The following VANGL1 variants were observed in gnomAD, a reference collection of about 807,000 sequenced individuals.
VANGL1 encodes the protein VANGL planar cell polarity protein 1, also known as vang-like protein 1.
VANGL1 carries 18 observed loss-of-function variants against 48.4 expected under a neutral mutation model. That is an observed-to-expected ratio of 0.37 (90% CI 0.26 to 0.55). The LOEUF is 0.55. Ranked by LOEUF, VANGL1 falls within the 20% of genes least tolerant of loss-of-function variation. The pLI is 0.81. For missense variants in VANGL1, 667 were observed against 675.8 expected, an observed-to-expected ratio of 0.99 and a Z score of 0.14; for synonymous variants, 257 against 261.8, an observed-to-expected ratio of 0.98 and a Z score of 0.18.
chr1:115,676,999 G>T (rs1252683553), intron 4 of VANGL1, among the ~76,000 whole-genome samples: 1 of 152,234 alleles, frequency 6.6e-6, no homozygotes, highest in Non-Finnish European at 1.5e-5. Flanking sequence ...GAGTGAGAGA[G>T]CCTGGAGTCA....
At chr1:115,649,633 G>T (rs1652072790) in intron 1 of VANGL1, among the ~76,000 whole-genome samples, 1 of 152,206 alleles carries the variant, frequency 6.6e-6, no homozygotes, top group Non-Finnish European at 1.5e-5. Flanking sequence ...AGCTCATTTG[G>T]TCTTCACGGC....
intron 1 of VANGL1, among the ~76,000 whole-genome samples, chr1:115,645,794 A>C (rs1214573645): frequency 6.6e-6 from 1 of 152,250 alleles, no homozygotes; most frequent in Non-Finnish European, 1.5e-5. Context: ...AGAATAATAT[A>C]CACAGCATAT....
At chr1:115,682,913 G>A (rs1653445047) in intron 5 of VANGL1, among the ~76,000 whole-genome samples, 2 of 152,196 alleles carry the variant, frequency 1.3e-5, no homozygotes, top group Admixed American at 6.5e-5. Context: ...TCTTACTCGT[G>A]GCTAGGAGCC....
chr1:115,664,806 T>G (rs1652711591), intron 4 of VANGL1, among the ~76,000 whole-genome samples: 1 of 152,214 alleles, frequency 6.6e-6, no homozygotes, highest in South Asian at 2.1e-4. Flanking sequence ...TTGAGTGTTG[T>G]GAAAATGTAT....
At chr1:115,667,911 T>C (rs1570755244) in intron 4 of VANGL1, among the ~76,000 whole-genome samples, 1 of 152,270 alleles carries the variant, frequency 6.6e-6, no homozygotes, top group East Asian at 1.9e-4. Context: ...CTAGTGTAAT[T>C]GACTGGTTGA....
At position 115,651,484 on chromosome 1, in the gene VANGL1, G is replaced by A; in HGVS notation, c.71G>A (p.Gly24Glu). ...CATTCGAAAAAATCTCACAGACAAG[G>A]GTATGTAAGTTGTTCATTATTACAC... Reference protein sequence around the residue: ...SSHSKKSHRQGERTRERHKSP... With the variant: ...SSHSKKSHRQEERTRERHKSP... Residue 24 changes from glycine (G) to glutamate (E), a missense_variant and splice_region_variant, in exon 2 of 8, where the codon GGG (glycine) becomes GAG (glutamate). Gly to Glu is a moderately conservative substitution (Grantham distance 98, BLOSUM62 -2). Coordinates refer to ENST00000355485, the MANE Select transcript of VANGL1 (RefSeq NM_138959.3). 1.2e-6 allele frequency: 2 copies of A among 1,613,400 alleles called. No homozygotes were observed. Among genetic ancestry groups the A allele is most frequent in the Non-Finnish European group, 1.7e-6 (2 of 1,179,472 alleles).
chr1:115,651,075 C>T (rs1476012777), intron 1 of VANGL1, among the ~76,000 whole-genome samples: 3 of 152,064 alleles, frequency 2.0e-5, no homozygotes, highest in Non-Finnish European at 4.4e-5. Context: ...GCTTGCTCAG[C>T]GCCTATCCTG....
Position 115,663,711 on chromosome 1 carries a change from C to T in VANGL1, c.255C>T (p.His85=), listed in dbSNP as rs1198916846. 33 of 1,614,200 alleles carry T rather than the reference C, an allele frequency of 2.0e-5. No homozygotes were observed. Among genetic ancestry groups the T allele is most frequent in the Non-Finnish European group, 2.7e-5 (32 of 1,180,040 alleles). The part of the protein sequence containing the change: ...TTTAITGTSE[H]SISQEDIARI... ...CGGCCATCACAGGCACCTCGGAGCA[C>T]AGCATATCCCAAGAGGACATTGCCA... is the stretch of plus-strand genomic sequence containing the variant. Residue 85 remains histidine, a synonymous_variant, in exon 4 of 8, where the codon CAC becomes CAT. Transcript: ENST00000355485.
Position 115,685,425 on chromosome 1 carries a change from T to G in VANGL1, c.1212T>G (p.Ala404=). 6.2e-7 allele frequency: 1 copy of G among 1,614,034 alleles called. No homozygotes were observed. Among genetic ancestry groups the G allele is most frequent in the Admixed American group, 1.7e-5 (1 of 60,006 alleles). ...CCATTTTCCCCTCCATGGCCAGGGCTCTCCAGAAGTACCTGCGCATCACCC... is the reference window on the plus strand; with the variant it reads ...CCATTTTCCCCTCCATGGCCAGGGCGCTCCAGAAGTACCTGCGCATCACCC... ...AQAIFPSMAR[A]LQKYLRITRQ... Residue 404 remains alanine (A), a synonymous_variant, in exon 7 of 8, where the codon GCT becomes GCG. Coordinates refer to ENST00000355485, the MANE Select transcript of VANGL1 (RefSeq NM_138959.3).
At position 115,691,266 on chromosome 1, in the gene VANGL1, T is replaced by C; in HGVS notation, c.1462T>C (p.Phe488Leu). ...GIVFVLKCLDFSLVVNVKKIP... is the reference protein window; with the variant it reads ...GIVFVLKCLDLSLVVNVKKIP... ...TGTGTTCGTCCTTAAGTGCTTGGACTTCAGCCTCGTAGTCAATGTGAAGAA... is the reference window on the plus strand; with the variant it reads ...TGTGTTCGTCCTTAAGTGCTTGGACCTCAGCCTCGTAGTCAATGTGAAGAA... The change falls in exon 8 of 8, where the codon TTC (phenylalanine) becomes CTC (leucine). Residue 488 changes from phenylalanine to leucine, a missense_variant. Phe to Leu is a conservative substitution (Grantham distance 22). Coordinates refer to ENST00000355485, the MANE Select transcript of VANGL1 (RefSeq NM_138959.3). The C allele has an allele frequency of 6.2e-7, 1 of 1,614,196 alleles. No homozygotes were observed. The highest frequency in any genetic ancestry group is 8.5e-7 in the Non-Finnish European group (1 of 1,180,034).
chr1:115,690,021 C>A (rs1653773187), intron 7 of VANGL1, among the ~76,000 whole-genome samples: 1 of 139,116 alleles, frequency 7.2e-6, no homozygotes, highest in South Asian at 2.4e-4. Context: ...ATGTTTCTAT[C>A]TGTATTACTG....
chr1:115,674,501 G>A (rs938214962), intron 4 of VANGL1, among the ~76,000 whole-genome samples: 2 of 152,216 alleles, frequency 1.3e-5, no homozygotes, highest in African/African-American at 4.8e-5. Context: ...GATAGTGACT[G>A]CATGCTCTAA....
At chr1:115,679,006 C>A (rs548652367) in intron 4 of VANGL1, among the ~76,000 whole-genome samples, 5 of 151,698 alleles carry the variant, frequency 3.3e-5, no homozygotes, top group African/African-American at 4.8e-5. Flanking sequence ...AATGTCACAA[C>A]CATTTTATTT....
intron 6 of VANGL1, among the ~76,000 whole-genome samples, chr1:115,684,579 G>C (rs1282449118): frequency 6.6e-6 from 1 of 152,154 alleles, no homozygotes; most frequent in African/African-American, 2.4e-5. Flanking sequence ...CACTGGGAGG[G>C]CTGTTCAAAT....
chr1:115,665,659 G>T (rs1337979630), intron 4 of VANGL1, among the ~76,000 whole-genome samples: 1 of 152,194 alleles, frequency 6.6e-6, no homozygotes, highest in African/African-American at 2.4e-5. Context: ...CTGATCCTTG[G>T]TGGAAACTGG....
intron 4 of VANGL1, among the ~76,000 whole-genome samples, chr1:115,672,139 G>T (rs1652997273): frequency 6.6e-6 from 1 of 152,086 alleles, no homozygotes; most frequent in South Asian, 2.1e-4. Context: ...GTATTATTAG[G>T]GACTCATGGA....
chr1:115,651,326 G>A lies in VANGL1; in HGVS notation c.-88G>A. ...TCCTCTTCTAATTTCCAGACTCCTT[G>A]AGGTTTTAGGAGTCTGGTAGGTGAA... On this transcript the variant is annotated 5_prime_UTR_variant, in exon 2 of 8. Coordinates refer to ENST00000355485, the MANE Select transcript of VANGL1 (RefSeq NM_138959.3). The A allele has an allele frequency of 8.8e-7, 1 of 1,133,522 alleles. No individual in the cohort carries two copies. Among genetic ancestry groups the A allele is most frequent in the Non-Finnish European group, 1.3e-6 (1 of 760,336 alleles). 70.2% of individuals were successfully genotyped at this position (1,133,522 alleles called of 1,614,324 possible).
chr1:115,682,310 G>T, intron 4 of VANGL1, 54 bp from the exon 5 acceptor site: 1 of 1,608,794 alleles, frequency 6.2e-7, no homozygotes, highest in South Asian at 1.1e-5. Flanking sequence ...TTTCGTTTAG[G>T]ACCTGCTTCT....
At chr1:115,646,171 G>T (rs1422564323) in intron 1 of VANGL1, among the ~76,000 whole-genome samples, 1 of 152,152 alleles carries the variant, frequency 6.6e-6, no homozygotes, top group African/African-American at 2.4e-5. Context: ...ATAAAGGGTG[G>T]TGAAGGAGGT....
Sources: allele counts gnomAD v4.1 joint callset (sites outside exome capture counted in the v4.1 genomes callset), GRCh38; gene constraint gnomAD v4.1.1; transcripts MANE v1.5; gene names NCBI Gene and HGNC (gene_info 2026-07-23, HGNC 2026-07-21).